Variants in PRELID2 observed in about 807,000 individuals in gnomAD.
PRELID2 encodes PRELI domain-containing protein 2.
In PRELID2, 25 loss-of-function variants were observed where a neutral mutation model predicts 28.4. The observed-to-expected ratio is 0.88, with a 90% CI of 0.64 to 1.23. The LOEUF (loss-of-function observed/expected upper bound fraction) is 1.23. Among genes scored for constraint, PRELID2 ranks in the 50% most tolerant of loss-of-function variants. The pLI is 0.00. For synonymous variants in PRELID2, 76 were observed against 71.6 expected, an observed-to-expected ratio of 1.06 and a Z score of -0.31; for missense variants, 201 against 214.4, an observed-to-expected ratio of 0.94 and a Z score of 0.39.
the PRELID2 span, among the ~76,000 whole-genome samples, chr5:145,291,337 G>GAAAAAAAA: frequency 2.4e-5 from 1 of 41,732 alleles, no homozygotes; most frequent in African/African-American, 8.0e-5. Context: ...CTCTGTTTCA[G>GAAAAAAAA]AAAAAAAAAA....
At chr5:145,298,869 T>A in the PRELID2 span, among the ~76,000 whole-genome samples, 6 of 152,228 alleles carry the variant, frequency 3.9e-5, no homozygotes, top group Non-Finnish European at 5.9e-5. Context: ...ATATTTGTTA[T>A]TCCTTTCATA....
the PRELID2 span, among the ~76,000 whole-genome samples, chr5:145,311,595 G>T: frequency 6.6e-6 from 1 of 152,088 alleles, no homozygotes; most frequent in Non-Finnish European, 1.5e-5. Flanking sequence ...CTATTTTCTG[G>T]CAAACACATA....
chr5:145,764,114 C>A (rs1173166824), intron 6 of PRELID2, among the ~76,000 whole-genome samples: 1 of 152,064 alleles, frequency 6.6e-6, no homozygotes, highest in Non-Finnish European at 1.5e-5. Flanking sequence ...AACAAAAAAA[C>A]CTAAGGCCTA....
At chr5:145,399,463 C>A in the PRELID2 span, among the ~76,000 whole-genome samples, 1 of 152,118 alleles carries the variant, frequency 6.6e-6, no homozygotes, top group Non-Finnish European at 1.5e-5. Context: ...TTCTTAAGAA[C>A]AAGGAAATTC....
intron 6 of PRELID2, among the ~76,000 whole-genome samples, chr5:145,761,714 T>G (rs1220307174): frequency 6.6e-6 from 1 of 152,198 alleles, no homozygotes; most frequent in Non-Finnish European, 1.5e-5. Context: ...CATAGTTGTG[T>G]TCCAATAAAA....
intron 1 of PRELID2, among the ~76,000 whole-genome samples, chr5:145,552,743 G>C (rs1247528839): frequency 6.6e-6 from 1 of 152,132 alleles, no homozygotes; most frequent in East Asian, 1.9e-4. Flanking sequence ...GTTCATCACT[G>C]AGAAACGTCT....
rs70998021 is a variant in PRELID2, at chr5:145,481,623, C to CAAAAAAAAAAAAAAAA, written n.71-8324_71-8309dup. 5.6e-3 allele frequency among the ~76,000 whole-genome samples: 233 copies of CAAAAAAAAAAAAAAAA among 41,870 alleles called. 2 individuals carry two copies. Among genetic ancestry groups the CAAAAAAAAAAAAAAAA allele is most frequent in the South Asian group, 8.5e-3 (6 of 702 alleles). 27.5% of individuals were successfully genotyped at this position (41,870 alleles called of 152,430 possible). On this transcript the variant is annotated intron_variant and non_coding_transcript_variant, in intron 1 of 2. Transcript: ENST00000510259. ...CTGGGTGATAAGAAAGCAAGGAAAT[C>CAAAAAAAAAAAAAAAA]AAAAAAAAAAAAAAAAAAAAAAAAA...
chr5:145,399,198 G>C, the PRELID2 span, among the ~76,000 whole-genome samples: 2 of 152,098 alleles, frequency 1.3e-5, no homozygotes, highest in Non-Finnish European at 2.9e-5. Flanking sequence ...GTTATCTAGA[G>C]GATAGTCTGT....
chr5:145,353,141 A>C, the PRELID2 span, among the ~76,000 whole-genome samples: 2 of 152,166 alleles, frequency 1.3e-5, no homozygotes, highest in Non-Finnish European at 2.9e-5. Flanking sequence ...TTACTGTATT[A>C]GTCCATTCTC....
At chr5:145,803,450 G>A (rs1173939221) in intron 4 of PRELID2, among the ~76,000 whole-genome samples, 2 of 152,048 alleles carry the variant, frequency 1.3e-5, no homozygotes, top group Non-Finnish European at 2.9e-5. Context: ...TTAAGACAGG[G>A]AACGAAGGCG....
chr5:145,403,839 A>G, the PRELID2 span, among the ~76,000 whole-genome samples: 1 of 152,198 alleles, frequency 6.6e-6, no homozygotes, highest in African/African-American at 2.4e-5. Context: ...TATATGTAAT[A>G]TAGTACTGTC....
chr5:145,547,354 G>A (rs111399229), intron 1 of PRELID2, among the ~76,000 whole-genome samples: 2,934 of 152,134 alleles, frequency 0.019, 83 homozygotes, highest in African/African-American at 0.068. Context: ...TTTATCTTCT[G>A]TAGCTCTGTA....
At chr5:145,527,906 G>A (rs948383228) in intron 1 of PRELID2, among the ~76,000 whole-genome samples, 6 of 152,214 alleles carry the variant, frequency 3.9e-5, no homozygotes, top group East Asian at 1.9e-4. Flanking sequence ...AGGCTGCCAC[G>A]TATCATTTCC....
chr5:145,554,328 C>G (rs72811533), intron 1 of PRELID2, among the ~76,000 whole-genome samples: 166 of 151,966 alleles, frequency 1.1e-3, no homozygotes, highest in Non-Finnish European at 1.9e-3. Context: ...ATCTCAAAAG[C>G]AAGGGAGGAA....
the PRELID2 span, among the ~76,000 whole-genome samples, chr5:145,422,665 C>T: frequency 6.6e-6 from 1 of 152,136 alleles, no homozygotes; most frequent in South Asian, 2.1e-4. Flanking sequence ...ATACAGCACA[C>T]TGATGGGTCT....
the PRELID2 span, among the ~76,000 whole-genome samples, chr5:145,329,857 C>T: frequency 6.6e-6 from 1 of 152,254 alleles, no homozygotes; most frequent in Non-Finnish European, 1.5e-5. Context: ...TGTCTTGTGC[C>T]AGTTTTTAAA....
the PRELID2 span, among the ~76,000 whole-genome samples, chr5:145,388,448 C>G: frequency 3.9e-3 from 593 of 152,098 alleles, 2 homozygotes; most frequent in Non-Finnish European, 6.7e-3. Context: ...TTCTTTTTCC[C>G]ACTCCCATCA....
chr5:145,641,236 T>C (rs1199296324), intron 1 of PRELID2, among the ~76,000 whole-genome samples: 2 of 151,944 alleles, frequency 1.3e-5, no homozygotes, highest in African/African-American at 4.8e-5. Flanking sequence ...TGGAAGAAGA[T>C]ATTTGTAATA....
intron 1 of PRELID2, among the ~76,000 whole-genome samples, chr5:145,581,122 C>T (rs1015052882): frequency 1.3e-5 from 2 of 151,894 alleles, no homozygotes; most frequent in African/African-American, 4.8e-5. Context: ...TTGCCTCTTC[C>T]TAGTACAGAA....
Sources: gnomAD v4.1 joint callset for allele counts (sites outside exome capture counted in the v4.1 genomes callset) on GRCh38, gnomAD v4.1.1 for gene constraint, MANE v1.5 for transcripts, NCBI Gene and HGNC (gene_info 2026-07-23, HGNC 2026-07-21) for gene names.